Variants in TAFA5 observed in about 807,000 individuals in gnomAD.
TAFA5 encodes chemokine-like protein TAFA-5.
In TAFA5, 6 loss-of-function variants were observed where a neutral mutation model predicts 15.3. The ratio of observed to expected loss-of-function variants is 0.39; its 90% CI spans 0.21 to 0.77. The LOEUF is 0.77. TAFA5 is among the 30% of genes least tolerant of loss of function. TAFA5 has a pLI of 0.41. For synonymous variants in TAFA5, 103 were observed against 80.7 expected, an observed-to-expected ratio of 1.28 and a Z score of -1.48; for missense variants, 161 against 193.1, an observed-to-expected ratio of 0.83 and a Z score of 0.98.
chr22:48,560,640 G>C lies in TAFA5; in HGVS notation c.112+70936G>C, dbSNP rs771289974. Among the ~76,000 whole-genome samples the C allele has an allele frequency of 6.6e-6, 1 of 150,656 alleles. No individual in the cohort carries two copies. Among genetic ancestry groups the C allele is most frequent in the African/African-American group, 2.4e-5 (1 of 40,974 alleles). ...TTATTTATTTTTGAGATGGAGTTTC[G>C]CTCTTGTTGCCCAGGCGGGAGTGCA... On this transcript the variant is annotated intron_variant, in intron 1 of 3. Coordinates refer to ENST00000402357, the MANE Select transcript of TAFA5 (RefSeq NM_001082967.3). This position sits in a 1 kb window ranked among gnomAD's most constrained non-coding sequence, Gnocchi z 4.2.
chr22:48,687,832 G>C (rs1928411433), intron 2 of TAFA5, among the ~76,000 whole-genome samples: 1 of 152,130 alleles, frequency 6.6e-6, no homozygotes, highest in African/African-American at 2.4e-5. Context: ...GCTGCCCCAG[G>C]CTCCCTGAGT....
intron 1 of TAFA5, among the ~76,000 whole-genome samples, chr22:48,597,663 T>A (rs1010629628): frequency 6.6e-6 from 1 of 152,268 alleles, no homozygotes; most frequent in Non-Finnish European, 1.5e-5. Context: ...CACATGCGGT[T>A]ATATCTGCAC....
chr22:48,506,706 G>A (rs1312400791), intron 1 of TAFA5, among the ~76,000 whole-genome samples: 1 of 152,202 alleles, frequency 6.6e-6, no homozygotes, highest in Non-Finnish European at 1.5e-5. Context: ...GGACGCCACT[G>A]CGCTCAGGGC....
At chr22:48,747,954 C>T (rs1930376769) in intron 3 of TAFA5, among the ~76,000 whole-genome samples, 1 of 151,334 alleles carries the variant, frequency 6.6e-6, no homozygotes. Context: ...CTCCTCCTGA[C>T]CTTAACGTCA....
intron 2 of TAFA5, among the ~76,000 whole-genome samples, chr22:48,695,900 C>G (rs765055772): frequency 6.6e-6 from 1 of 152,136 alleles, no homozygotes; most frequent in Admixed American, 6.5e-5. Flanking sequence ...TAGTGTAGGG[C>G]TTTCAAGCAC....
At chr22:48,580,902 A>G (rs1406359209) in intron 1 of TAFA5, among the ~76,000 whole-genome samples, 1 of 151,952 alleles carries the variant, frequency 6.6e-6, no homozygotes, top group Non-Finnish European at 1.5e-5. Flanking sequence ...TATGGCCCTG[A>G]TGAGGTGTGC....
intron 1 of TAFA5, among the ~76,000 whole-genome samples, chr22:48,622,119 A>G (rs73429905): frequency 0.056 from 8,502 of 152,144 alleles, 782 homozygotes; most frequent in African/African-American, 0.19. Flanking sequence ...AGACGCTGAA[A>G]TCACCCTAGA....
chr22:48,646,790 G>T (rs1926882112), intron 2 of TAFA5, 44 bp downstream of exon 2: 2 of 1,527,334 alleles, frequency 1.3e-6, no homozygotes, highest in Non-Finnish European at 1.8e-6. Context: ...GCTGAGCGCG[G>T]CGTCACCAAA....
intron 2 of TAFA5, among the ~76,000 whole-genome samples, chr22:48,699,152 C>T (rs566819926): frequency 2.6e-5 from 4 of 152,086 alleles, no homozygotes; most frequent in South Asian, 2.1e-4. Flanking sequence ...AGGCTGGTCT[C>T]GAACTCCTGA....
At chr22:48,595,524 C>A (rs1253421334) in intron 1 of TAFA5, among the ~76,000 whole-genome samples, 2 of 152,266 alleles carry the variant, frequency 1.3e-5, no homozygotes, top group Non-Finnish European at 2.9e-5. Flanking sequence ...CAGGTCTCGT[C>A]TCTGGATTGA....
chr22:48,534,786 C>T (rs1214224767), intron 1 of TAFA5, among the ~76,000 whole-genome samples: 1 of 152,148 alleles, frequency 6.6e-6, no homozygotes, highest in Non-Finnish European at 1.5e-5. Context: ...ACTGAGAAAG[C>T]GGGCTCTGCT....
At chr22:48,506,122 T>C (rs1296750049) in intron 1 of TAFA5, among the ~76,000 whole-genome samples, 2 of 152,160 alleles carry the variant, frequency 1.3e-5, no homozygotes, top group Non-Finnish European at 2.9e-5. Context: ...ACTCCCTGTC[T>C]CCAGGGTGCA....
intron 3 of TAFA5, among the ~76,000 whole-genome samples, chr22:48,735,893 C>T (rs1929999524): frequency 2.1e-5 from 3 of 142,884 alleles, no homozygotes; most frequent in Admixed American, 7.0e-5. Flanking sequence ...ATGAGAATCA[C>T]ACTCCTAGAG....
intron 1 of TAFA5, among the ~76,000 whole-genome samples, chr22:48,577,922 G>A (rs1923878340): frequency 6.6e-6 from 1 of 152,224 alleles, no homozygotes; most frequent in Non-Finnish European, 1.5e-5. Flanking sequence ...CTGCCATAGG[G>A]CAGTAGCACT....
chr22:48,509,717 T>C (rs1921138648), intron 1 of TAFA5, among the ~76,000 whole-genome samples: 1 of 152,102 alleles, frequency 6.6e-6, no homozygotes, highest in South Asian at 2.1e-4. Flanking sequence ...TTTGGGAGGC[T>C]GAGGCGGGCG....
intron 1 of TAFA5, among the ~76,000 whole-genome samples, chr22:48,631,748 G>T (rs543650253): frequency 6.6e-6 from 1 of 152,332 alleles, no homozygotes; most frequent in South Asian, 2.1e-4. Flanking sequence ...GAAATCTGAC[G>T]CCCTCCAGGT....
chr22:48,653,302 G>C (rs189805902), intron 2 of TAFA5, among the ~76,000 whole-genome samples: 7 of 152,220 alleles, frequency 4.6e-5, no homozygotes, highest in Non-Finnish European at 1.0e-4. Flanking sequence ...AGCATGATTG[G>C]TTTGTGAGGA....
At chr22:48,641,585 C>G in intron 1 of TAFA5, among the ~76,000 whole-genome samples, 1 of 149,516 alleles carries the variant, frequency 6.7e-6, no homozygotes, top group Non-Finnish European at 1.5e-5. Flanking sequence ...GCACGCCCTC[C>G]CCTCCACCCC....
chr22:48,694,625 C>T (rs1028144252), intron 2 of TAFA5, among the ~76,000 whole-genome samples: 1 of 152,156 alleles, frequency 6.6e-6, no homozygotes. Context: ...GTCACCAAGC[C>T]TGTGGGTATC....
Sources: gnomAD v4.1 joint callset for allele counts (sites outside exome capture counted in the v4.1 genomes callset) on GRCh38, gnomAD v4.1.1 for gene constraint, Gnocchi (gnomAD v3.1) non-coding constraint, MANE v1.5 for transcripts, NCBI Gene and HGNC (gene_info 2026-07-23, HGNC 2026-07-21) for gene names.